KAZN: variants seen among roughly 807,000 people sequenced by gnomAD.
KAZN encodes the protein kazrin.
In KAZN, 40 loss-of-function variants were observed where a neutral mutation model predicts 87.4. That is an observed-to-expected ratio of 0.46 (90% CI 0.36 to 0.60). The LOEUF is 0.60. Ranked by LOEUF, KAZN falls within the 20% of genes least tolerant of loss-of-function variation. The pLI, the probability that KAZN is intolerant of heterozygous loss-of-function variation, is 0.00. For synonymous variants in KAZN, 466 were observed against 458.3 expected (o/e 1.02, Z -0.22); for missense variants, 898 against 1,073.9 (o/e 0.84, Z 2.29).
At chr1:14,548,259 T>C (rs913492910) in intron 2 of KAZN, among the ~76,000 whole-genome samples, 1 of 149,510 alleles carries the variant, frequency 6.7e-6, no homozygotes, top group African/African-American at 2.5e-5. Flanking sequence ...AGTGCAGTGG[T>C]GCGATCTCGG....
intron 8 of KAZN, among the ~76,000 whole-genome samples, chr1:15,089,262 G>A (rs1640415772): frequency 6.6e-6 from 1 of 152,074 alleles, no homozygotes; most frequent in African/African-American, 2.4e-5. Flanking sequence ...CTTTCTTGGG[G>A]AGACATAGCC....
chr1:13,984,744 G>A (rs1312985582), intron 1 of KAZN, among the ~76,000 whole-genome samples: 2 of 152,184 alleles, frequency 1.3e-5, no homozygotes, highest in African/African-American at 4.8e-5. Flanking sequence ...ACAGAGCATG[G>A]CATATAAGTG....
chr1:14,108,364 G>A (rs769426461), intron 1 of KAZN, among the ~76,000 whole-genome samples: 3 of 152,038 alleles, frequency 2.0e-5, no homozygotes, highest in Non-Finnish European at 2.9e-5. Context: ...CTGCTGAATC[G>A]TAAGCTCCTT....
At chr1:15,086,422 A>T (rs1640260493) in intron 8 of KAZN, among the ~76,000 whole-genome samples, 1 of 152,270 alleles carries the variant, frequency 6.6e-6, no homozygotes, top group Non-Finnish European at 1.5e-5. Context: ...CCGTGTTCCC[A>T]GCAAAACCCT....
chr1:14,077,505 A>T (rs1356619295), intron 1 of KAZN, among the ~76,000 whole-genome samples: 2 of 152,206 alleles, frequency 1.3e-5, no homozygotes, highest in African/African-American at 4.8e-5. Context: ...CAGCAGCAGC[A>T]GTTAAACTGT....
At position 14,225,346 on chromosome 1, in the gene KAZN, G is replaced by A. The variant is rs115522602; in HGVS notation, c.249+44754G>A. 5.0e-3 allele frequency among the ~76,000 whole-genome samples: 765 copies of A among 152,138 alleles called. 7 individuals are homozygous for A. Among genetic ancestry groups the A allele is most frequent in the African/African-American group, 0.018 (728 of 41,496 alleles). ...CAGGGAGGTGAAAGATCCCTACAGT[G>A]AGAATTACAAAACACAGCTAAAGGA... is the stretch of plus-strand genomic sequence containing the variant. On this transcript the variant is annotated intron_variant, in intron 2 of 16. Transcript: ENST00000636203.
intron 2 of KAZN, among the ~76,000 whole-genome samples, chr1:14,311,363 G>A (rs75302566): frequency 0.037 from 5,561 of 152,234 alleles, 312 homozygotes; most frequent in East Asian, 0.22. Flanking sequence ...TTCAATGAGA[G>A]GATGATATAA....
At chr1:14,432,078 A>G (rs1369465000) in intron 2 of KAZN, among the ~76,000 whole-genome samples, 1 of 143,134 alleles carries the variant, frequency 7.0e-6, no homozygotes, top group African/African-American at 2.6e-5. Flanking sequence ...ATCAAAGACT[A>G]TGTGACTTTC....
At chr1:14,972,900 G>C (rs1665226511) in intron 2 of KAZN, among the ~76,000 whole-genome samples, 1 of 152,046 alleles carries the variant, frequency 6.6e-6, no homozygotes, top group South Asian at 2.1e-4. Context: ...TGCAACACAG[G>C]AGAGGGGGTG....
intron 1 of KAZN, among the ~76,000 whole-genome samples, chr1:14,624,384 T>C (rs1678941379): frequency 6.6e-6 from 1 of 150,488 alleles, no homozygotes; most frequent in Non-Finnish European, 1.5e-5. Flanking sequence ...ATCGCGCCAC[T>C]GCACTCCAGC....
At chr1:15,025,358 G>T (rs76419076) in intron 2 of KAZN, among the ~76,000 whole-genome samples, 19,825 of 152,092 alleles carry the variant, frequency 0.13, 1,646 homozygotes, top group Admixed American at 0.21. Flanking sequence ...TCACTTTTTT[G>T]GTTAAGTAGA....
chr1:14,608,264 A>G (rs540886388), intron 1 of KAZN, among the ~76,000 whole-genome samples: 1 of 152,126 alleles, frequency 6.6e-6, no homozygotes, highest in Middle Eastern at 3.2e-3. Flanking sequence ...GTCTCCATCT[A>G]TTGTGAGAGA....
intron 2 of KAZN, among the ~76,000 whole-genome samples, chr1:14,553,333 C>T (rs1179798023): frequency 6.6e-6 from 1 of 152,086 alleles, no homozygotes; most frequent in African/African-American, 2.4e-5. Context: ...TGCACTCCAG[C>T]CTGGGAGAGA....
Position 14,978,633 on chromosome 1 carries a change from G to A in KAZN, c.418+17758G>A, listed in dbSNP as rs577706439. ...AAATTCAGGTCCCCACCCCTGGGCT[G>A]CAGAGGGCAGTTTCGTGTTGGTCAC... On this transcript the variant is annotated intron_variant, in intron 2 of 14. Transcript: ENST00000376030. Among the ~76,000 whole-genome samples, 3 of 152,260 alleles carry A rather than the reference G, an allele frequency of 2.0e-5. No homozygotes were observed. The East Asian group carries it at 5.8e-4, about 29-fold the overall frequency.
intron 1 of KAZN, among the ~76,000 whole-genome samples, chr1:14,873,048 GTGGGTGGATGGATGGA>G (rs1322731644): frequency 1.1e-4 from 16 of 140,614 alleles, no homozygotes; most frequent in South Asian, 4.7e-4. Flanking sequence ...AGATGAATCG[GTGGGTGGATGGATGGA>G]TGGGTGGATG....
chr1:14,291,385 A>G (rs1484077115), intron 2 of KAZN, among the ~76,000 whole-genome samples: 1 of 152,162 alleles, frequency 6.6e-6, no homozygotes, highest in Non-Finnish European at 1.5e-5. Context: ...CTCATGCCTC[A>G]GCATGGTGGA....
At chr1:14,466,788 G>GA (rs1284055171) in intron 2 of KAZN, among the ~76,000 whole-genome samples, 1 of 151,918 alleles carries the variant, frequency 6.6e-6, no homozygotes, top group African/African-American at 2.4e-5. Context: ...CTAACACGGT[G>GA]AAACCCTGTC....
chr1:13,944,006 C>A (rs200201390), intron 1 of KAZN, among the ~76,000 whole-genome samples: 7 of 140,660 alleles, frequency 5.0e-5, no homozygotes, highest in Admixed American at 4.9e-4. Flanking sequence ...ACTATCATAG[C>A]AATTCCACCT....
At chr1:14,085,753 T>C (rs1327614221) in intron 1 of KAZN, among the ~76,000 whole-genome samples, 2 of 152,246 alleles carry the variant, frequency 1.3e-5, no homozygotes, top group Non-Finnish European at 2.9e-5. Flanking sequence ...TATGAGCTTT[T>C]ATTTCTCTTT....
Sources: gnomAD v4.1 joint callset for allele counts (sites outside exome capture counted in the v4.1 genomes callset) on GRCh38, gnomAD v4.1.1 for gene constraint, MANE v1.5 for transcripts, NCBI Gene and HGNC (gene_info 2026-07-23, HGNC 2026-07-21) for gene names.